The following CNOT1 variants were observed in gnomAD, a reference collection of about 807,000 sequenced individuals.
The protein encoded by CNOT1 is CCR4-associated factor 1.
A neutral mutation model predicts 273.8 loss-of-function variants in CNOT1; 15 were observed. The observed-to-expected ratio is 0.05, with a 90% CI of 0.04 to 0.08. The LOEUF (loss-of-function observed/expected upper bound fraction) is 0.08, where lower values mean the gene tolerates loss of function less well. CNOT1 is among the 10% of genes least tolerant of loss of function. The pLI is 1.00. For synonymous variants in CNOT1, 1,022 were observed against 1,005.5 expected (o/e 1.02, Z -0.31); for missense variants, 1,644 against 2,912.2 (o/e 0.56, Z 10.02).
Position 58,520,607 on chromosome 16 carries a change from G to A in CNOT1, c.*351C>T. ...AGCTATGCCCTCAGACAAGTGCATG[G>A]CATCAGCTGCCTCTTCATTACAAGG... On this transcript the variant is annotated 3_prime_UTR_variant, in exon 49 of 49. Coordinates refer to ENST00000317147, the MANE Select transcript of CNOT1 (RefSeq NM_016284.5). 1 of 257,664 alleles carries A rather than the reference G, an allele frequency of 3.9e-6. No homozygotes were observed. Among genetic ancestry groups the A allele is most frequent in the Admixed American group, 4.7e-5 (1 of 21,316 alleles). 16.0% of individuals were successfully genotyped at this position (257,664 alleles called of 1,614,324 possible). A position where few individuals can be genotyped will look rare whatever the true frequency, so the allele number is the denominator to read the frequency against.
intron 16 of CNOT1, among the ~76,000 whole-genome samples, chr16:58,566,771 T>G (rs1288077723): frequency 6.6e-6 from 1 of 152,132 alleles, no homozygotes; most frequent in African/African-American, 2.4e-5. Flanking sequence ...GTAGCTGGGA[T>G]TACAGGCATG....
At chr16:58,555,728 A>G (rs1399594562) in intron 20 of CNOT1, 56 bp downstream of exon 20, 13 of 1,602,970 alleles carry the variant, frequency 8.1e-6, no homozygotes, top group Non-Finnish European at 1.1e-5. Context: ...ATTGAAAAGG[A>G]CATTTATTTA....
rs925168211 is a variant in CNOT1 at position 58,547,970 on chromosome 16, C to T, written c.3523-288G>A. Among the ~76,000 whole-genome samples the T allele has an allele frequency of 1.7e-4, 26 of 152,160 alleles. No homozygotes were observed. The highest frequency in any genetic ancestry group is 1.3e-4 in the Non-Finnish European group (9 of 68,018). Reference sequence around the variant, plus strand: ...AACACAAAGTTATGTGCCAGCTATCCTCCCCTAGAAAAGTATTTTCAACTC... The same window carrying T: ...AACACAAAGTTATGTGCCAGCTATCTTCCCCTAGAAAAGTATTTTCAACTC... On this transcript the variant is annotated intron_variant, in intron 25 of 48. Coordinates refer to ENST00000317147, the MANE Select transcript of CNOT1 (RefSeq NM_016284.5). The surrounding 1 kb of genome is among the most constrained non-coding windows in gnomAD (Gnocchi z 4.0).
At position 58,585,409 on chromosome 16, in the gene CNOT1, C is replaced by A. The variant is rs1418359476; in HGVS notation, c.735G>T (p.Gly245=). The part of the protein sequence containing the change: ...LMDRILPDSG[G]VAKTMMESSL... ...AGCTCTCCATCATGGTTTTAGCTACCCCTCCGGAATCAGGCAGGATCCTGT... is the reference window on the plus strand; with the variant it reads ...AGCTCTCCATCATGGTTTTAGCTACACCTCCGGAATCAGGCAGGATCCTGT... Residue 245 remains glycine (G), a synonymous_variant, in exon 8 of 49, where the codon GGG becomes GGT. Transcript: ENST00000317147. 5 of 1,613,694 alleles carry A rather than the reference C, an allele frequency of 3.1e-6. No individual in the cohort carries two copies. The highest frequency in any genetic ancestry group is 4.5e-5 in the East Asian group (2 of 44,884).
intron 47 of CNOT1, 164 bp downstream of exon 47, chr16:58,523,206 C>A: frequency 1.8e-6 from 1 of 570,578 alleles, no homozygotes; most frequent in South Asian, 4.4e-5. Flanking sequence ...GATGGCGCCA[C>A]TGTACTGCAG....
At chr16:58,607,304 C>A (rs1163377693) in intron 1 of CNOT1, among the ~76,000 whole-genome samples, 1 of 152,130 alleles carries the variant, frequency 6.6e-6, no homozygotes, top group Non-Finnish European at 1.5e-5. Flanking sequence ...GAATAAACAT[C>A]CTGGACCGTG....
intron 25 of CNOT1, chr16:58,548,691 G>C (rs1330595661): frequency 4.4e-6 from 2 of 454,696 alleles, no homozygotes; most frequent in African/African-American, 4.1e-5. Context: ...CTGTATGCTG[G>C]TTCTAGAAGT....
intron 44 of CNOT1, chr16:58,528,135 G>C (rs914886905): frequency 2.5e-5 from 12 of 483,094 alleles, no homozygotes; most frequent in African/African-American, 2.3e-4. Flanking sequence ...AGATTACAAA[G>C]GTCTGTTTGT....
chr16:58,602,567 A>AAAC (rs1555501303), intron 1 of CNOT1, among the ~76,000 whole-genome samples: 2 of 146,108 alleles, frequency 1.4e-5, no homozygotes, highest in Admixed American at 7.5e-5. Context: ...AAAAAAAAAA[A>AAAC]AAAAAAAAAA....
intron 37 of CNOT1, 38 bp from the exon 38 acceptor site, chr16:58,538,098 C>T (rs1325552816): frequency 1.9e-6 from 3 of 1,614,016 alleles, no homozygotes; most frequent in Non-Finnish European, 1.7e-6. Flanking sequence ...AGGGAAAACA[C>T]TTAAGAGCAA....
chr16:58,597,052 C>CT (rs769814327), intron 2 of CNOT1, among the ~76,000 whole-genome samples: 3 of 149,576 alleles, frequency 2.0e-5, no homozygotes, highest in Admixed American at 6.7e-5. Context: ...TTTTCTATTT[C>CT]TTTTTTATCA....
At chr16:58,533,462 C>G (rs901490436) in intron 40 of CNOT1, among the ~76,000 whole-genome samples, 1 of 152,164 alleles carries the variant, frequency 6.6e-6, no homozygotes, top group South Asian at 2.1e-4. Context: ...TGGTGAAACC[C>G]TGTCTCTACT....
At position 58,520,926 on chromosome 16, in the gene CNOT1, G is replaced by A; in HGVS notation, c.*32C>T. 3 of 1,602,416 alleles carry A rather than the reference G, an allele frequency of 1.9e-6. No individual in the cohort carries two copies. Among genetic ancestry groups the A allele is most frequent in the Non-Finnish European group, 2.6e-6 (3 of 1,173,424 alleles). On this transcript the variant is annotated 3_prime_UTR_variant, in exon 49 of 49. Coordinates refer to ENST00000317147, the MANE Select transcript of CNOT1 (RefSeq NM_016284.5). ...TGAACTCGGTGCAGTGAGACCTCTA[G>A]ACTGACACGTACAACAGAGATGCAG... is the stretch of plus-strand genomic sequence containing the variant.
chr16:58,576,020 A>G (rs1039951854), intron 14 of CNOT1, among the ~76,000 whole-genome samples: 5 of 152,198 alleles, frequency 3.3e-5, no homozygotes, highest in African/African-American at 1.2e-4. Context: ...ATCCTTTTTA[A>G]GAAACCTCTA....
intron 22 of CNOT1, among the ~76,000 whole-genome samples, chr16:58,553,270 C>A (rs1179634202): frequency 6.6e-6 from 1 of 151,362 alleles, no homozygotes; most frequent in Non-Finnish European, 1.5e-5. Context: ...TCATCTCCCC[C>A]TCCCAAAAAA....
At chr16:58,604,945 C>A (rs1234009679) in intron 1 of CNOT1, among the ~76,000 whole-genome samples, 1 of 150,274 alleles carries the variant, frequency 6.7e-6, no homozygotes, top group Admixed American at 6.6e-5. Context: ...GACCATCCTG[C>A]CTAACACGGT....
intron 38 of CNOT1, 131 bp downstream of exon 38, chr16:58,537,760 C>T: frequency 3.2e-6 from 4 of 1,243,492 alleles, no homozygotes; most frequent in Non-Finnish European, 4.4e-6. Flanking sequence ...TTAGCCCTTA[C>T]CAAAGCTACC....
intron 1 of CNOT1, among the ~76,000 whole-genome samples, chr16:58,625,175 C>T (rs2043510775): frequency 6.6e-6 from 1 of 152,046 alleles, no homozygotes; most frequent in Admixed American, 6.6e-5. Context: ...CACTTGAGGT[C>T]AGGAGTTCAA....
intron 25 of CNOT1, chr16:58,548,689 T>G (rs1048142661): frequency 4.1e-5 from 19 of 466,416 alleles, no homozygotes; most frequent in Admixed American, 1.5e-4. Context: ...AGCTGTATGC[T>G]GGTTCTAGAA....
Sources: allele counts gnomAD v4.1 joint callset (sites outside exome capture counted in the v4.1 genomes callset), GRCh38; gene constraint gnomAD v4.1.1; non-coding constraint Gnocchi (gnomAD v3.1); transcripts MANE v1.5; gene names NCBI Gene and HGNC (gene_info 2026-07-23, HGNC 2026-07-21).